KIAA1549L: variants seen among roughly 807,000 people sequenced by gnomAD.
The protein encoded by KIAA1549L is KIAA1549 like.
KIAA1549L carries 88 observed loss-of-function variants against 160.7 expected under a neutral mutation model. The ratio of observed to expected loss-of-function variants is 0.55; its 90% CI spans 0.46 to 0.65. The LOEUF (loss-of-function observed/expected upper bound fraction) is 0.65. Ranked by LOEUF, KIAA1549L falls within the 30% of genes least tolerant of loss-of-function variation. The probability of loss-of-function intolerance (pLI) is 0.00; values close to 1 mark genes in which losing one functional copy is unlikely to be tolerated. For synonymous variants in KIAA1549L, 950 were observed against 976.7 expected (o/e 0.97, Z 0.51); for missense variants, 2,258 against 2,437.5 (o/e 0.93, Z 1.55).
chr11:33,420,991 C>G (rs1850999506), intron 1 of KIAA1549L, among the ~76,000 whole-genome samples: 1 of 152,078 alleles, frequency 6.6e-6, no homozygotes, highest in Non-Finnish European at 1.5e-5. Flanking sequence ...TTTGCAGCCT[C>G]AAATGAAACT....
intron 19 of KIAA1549L, among the ~76,000 whole-genome samples, chr11:33,659,473 A>T (rs185251068): frequency 6.6e-6 from 1 of 152,376 alleles, no homozygotes; most frequent in East Asian, 1.9e-4. Context: ...GATAAGCCAC[A>T]GTTTAGACTT....
chr11:33,593,918 G>A (rs1038086016), intron 12 of KIAA1549L, among the ~76,000 whole-genome samples: 1 of 152,080 alleles, frequency 6.6e-6, no homozygotes, highest in Non-Finnish European at 1.5e-5. Context: ...TCACCTAGGA[G>A]AGTACAGATA....
intron 8 of KIAA1549L, among the ~76,000 whole-genome samples, chr11:33,562,153 A>G (rs183084933): frequency 6.6e-6 from 1 of 152,308 alleles, no homozygotes; most frequent in East Asian, 1.9e-4. Flanking sequence ...ATGTACCCAG[A>G]CCAATCCTGG....
At chr11:33,511,695 T>C (rs932671305) in intron 1 of KIAA1549L, among the ~76,000 whole-genome samples, 1 of 152,212 alleles carries the variant, frequency 6.6e-6, no homozygotes, top group Non-Finnish European at 1.5e-5. Context: ...ACTGTAGAGC[T>C]CATGGATGGA....
intron 1 of KIAA1549L, among the ~76,000 whole-genome samples, chr11:33,446,809 T>A (rs1851621945): frequency 6.6e-6 from 1 of 152,116 alleles, no homozygotes. Context: ...GCTTTCCTTT[T>A]GAGCAAGTGA....
intron 16 of KIAA1549L, among the ~76,000 whole-genome samples, chr11:33,636,043 T>C (rs111807951): frequency 3.9e-5 from 6 of 152,336 alleles, no homozygotes; most frequent in African/African-American, 1.4e-4. Context: ...ACCCAGGACA[T>C]GAATCTTGCC....
intron 16 of KIAA1549L, among the ~76,000 whole-genome samples, chr11:33,619,645 C>A (rs1178114071): frequency 1.3e-5 from 2 of 152,106 alleles, no homozygotes; most frequent in Non-Finnish European, 2.9e-5. Flanking sequence ...TTTCTAATCA[C>A]CTTCCTTATA....
At chr11:33,647,749 G>A (rs534818426) in intron 17 of KIAA1549L, among the ~76,000 whole-genome samples, 9 of 151,426 alleles carry the variant, frequency 5.9e-5, no homozygotes, top group South Asian at 2.1e-4. Context: ...AAGAAGATGC[G>A]ATGGCCCATA....
intron 8 of KIAA1549L, among the ~76,000 whole-genome samples, chr11:33,566,991 A>T (rs540574916): frequency 7.9e-4 from 121 of 152,338 alleles, no homozygotes; most frequent in Middle Eastern, 3.4e-3. Context: ...TGGGGTGAAG[A>T]ATGTTTCCCA....
chr11:33,413,256 ATT>A (rs35296412), intron 1 of KIAA1549L, among the ~76,000 whole-genome samples: 4 of 145,088 alleles, frequency 2.8e-5, no homozygotes, highest in Non-Finnish European at 3.0e-5. Flanking sequence ...TTGAACACAG[ATT>A]TTTTTTTTTT....
chr11:33,477,320 T>G (rs940859102), intron 1 of KIAA1549L, among the ~76,000 whole-genome samples: 1 of 152,134 alleles, frequency 6.6e-6, no homozygotes, highest in African/African-American at 2.4e-5. Context: ...TCTCTGATAC[T>G]TCAGAAAAAG....
chr11:33,572,897 C>T (rs1855313298), intron 9 of KIAA1549L, among the ~76,000 whole-genome samples: 1 of 152,178 alleles, frequency 6.6e-6, no homozygotes. Flanking sequence ...AGTGGTTGCA[C>T]CATTTGCACT....
At chr11:33,435,995 CAAATAAT>C (rs1851372702) in intron 1 of KIAA1549L, among the ~76,000 whole-genome samples, 1 of 134,522 alleles carries the variant, frequency 7.4e-6, no homozygotes, top group African/African-American at 2.8e-5. Flanking sequence ...AAAAATGATA[CAAATAAT>C]AAACTAATAA....
intron 16 of KIAA1549L, among the ~76,000 whole-genome samples, chr11:33,644,270 A>G (rs1051896812): frequency 2.6e-5 from 4 of 152,212 alleles, no homozygotes; most frequent in South Asian, 2.1e-4. Context: ...TGTGCTTTCT[A>G]TATTTTCACT....
intron 16 of KIAA1549L, among the ~76,000 whole-genome samples, chr11:33,625,957 C>A (rs1486297002): frequency 6.7e-6 from 1 of 149,142 alleles, no homozygotes; most frequent in Non-Finnish European, 1.5e-5. Flanking sequence ...GGAAGGGATC[C>A]AGTTTCAGCT....
intron 20 of KIAA1549L, among the ~76,000 whole-genome samples, chr11:33,663,950 TG>T (rs1444745730): frequency 6.6e-6 from 1 of 152,204 alleles, no homozygotes; most frequent in Non-Finnish European, 1.5e-5. Context: ...AAAGGAAATT[TG>T]AGCTGAGATC....
intron 3 of KIAA1549L, among the ~76,000 whole-genome samples, chr11:33,547,102 G>A (rs147128634): frequency 1.6e-3 from 248 of 152,370 alleles, no homozygotes; most frequent in Non-Finnish European, 3.0e-3. Context: ...GCGCCTTTGC[G>A]CTTGGTACTC....
At chr11:33,504,721 G>T (rs1853040351) in intron 1 of KIAA1549L, among the ~76,000 whole-genome samples, 3 of 152,064 alleles carry the variant, frequency 2.0e-5, no homozygotes, top group Non-Finnish European at 4.4e-5. Context: ...ACCTGCCTTG[G>T]TCCCCCAAAG....
chr11:33,552,458 A>G (rs1854495007), intron 6 of KIAA1549L, among the ~76,000 whole-genome samples: 1 of 152,148 alleles, frequency 6.6e-6, no homozygotes, highest in South Asian at 2.1e-4. Context: ...TTCTTTCCCC[A>G]TGGGATGCTT....
Sources: gnomAD v4.1 joint callset for allele counts (sites outside exome capture counted in the v4.1 genomes callset) on GRCh38, gnomAD v4.1.1 for gene constraint, MANE v1.5 for transcripts, NCBI Gene and HGNC (gene_info 2026-07-23, HGNC 2026-07-21) for gene names.